Variants in CDC123 observed in about 807,000 individuals in gnomAD.
The protein encoded by CDC123 is cell division cycle 123, also known as translation initiation factor eIF2 assembly protein.
CDC123 carries 37 observed loss-of-function variants against 54.4 expected under a neutral mutation model. The observed-to-expected ratio is 0.68, with a 90% CI of 0.52 to 0.89. CDC123 has a LOEUF of 0.89. CDC123 is among the 40% of genes least tolerant of loss of function. CDC123 has a pLI of 0.00. For missense variants in CDC123, 361 were observed against 412.1 expected, an observed-to-expected ratio of 0.88 and a Z score of 1.07; for synonymous variants, 144 against 136.8, an observed-to-expected ratio of 1.05 and a Z score of -0.37.
At chr10:12,226,814 G>A (rs571169778) in intron 6 of CDC123, among the ~76,000 whole-genome samples, 13 of 151,956 alleles carry the variant, frequency 8.6e-5, no homozygotes, top group Middle Eastern at 6.8e-3. Flanking sequence ...CCAGACGATG[G>A]GCGGCCAGGC....
intron 6 of CDC123, among the ~76,000 whole-genome samples, chr10:12,229,851 C>T (rs989444143): frequency 5.9e-5 from 9 of 152,172 alleles, no homozygotes; most frequent in Non-Finnish European, 1.0e-4. Context: ...TAAAATGGCA[C>T]GTGGGAGAAG....
intron 6 of CDC123, among the ~76,000 whole-genome samples, chr10:12,229,068 TCTC>T (rs1439499232): frequency 6.6e-6 from 1 of 152,048 alleles, no homozygotes; most frequent in South Asian, 2.1e-4. Flanking sequence ...CCTCTACGCT[TCTC>T]CTTTCTGTGT....
At chr10:12,243,781 C>T (rs1366298880) in intron 10 of CDC123, among the ~76,000 whole-genome samples, 2 of 141,364 alleles carry the variant, frequency 1.4e-5, no homozygotes, top group Non-Finnish European at 3.0e-5. Context: ...GAGACTCCAT[C>T]TCAAAAAAAA....
chr10:12,217,410 G>A lies in CDC123; in HGVS notation c.383G>A (p.Ser128Asn). 1.2e-6 allele frequency: 2 copies of A among 1,614,032 alleles called. No individual in the cohort carries two copies. The highest frequency in any genetic ancestry group is 1.7e-6 in the Non-Finnish European group (2 of 1,179,974). ...MNSSLKCKTL[S>N]DIFLLFKSSD... ...AGTTCTCTGAAATGTAAAACCCTCA[G>A]CGACATCTTTCTGCTTTTCAAGAGT... The change falls in exon 6 of 13, where the codon AGC becomes AAC. Residue 128 changes from serine (S) to asparagine (N), a missense_variant. Ser to Asn is a conservative substitution (Grantham distance 46). Coordinates refer to ENST00000281141, the MANE Select transcript of CDC123 (RefSeq NM_006023.3).
chr10:12,221,201 G>C (rs1835731920), intron 6 of CDC123, among the ~76,000 whole-genome samples: 1 of 151,950 alleles, frequency 6.6e-6, no homozygotes, highest in Non-Finnish European at 1.5e-5. Context: ...CTTACACATG[G>C]GATTTAAAAA....
chr10:12,227,833 G>A (rs1835847608), intron 6 of CDC123, among the ~76,000 whole-genome samples: 1 of 152,068 alleles, frequency 6.6e-6, no homozygotes, highest in Non-Finnish European at 1.5e-5. Context: ...AACGTATAGA[G>A]GAAAGCTCTA....
At chr10:12,249,412 C>T (rs1045760910) in intron 11 of CDC123, among the ~76,000 whole-genome samples, 169 bp from the exon 12 acceptor site, 7 of 152,192 alleles carry the variant, frequency 4.6e-5, no homozygotes, top group African/African-American at 1.7e-4. Flanking sequence ...GAATTACAGA[C>T]GTGAGCCACC....
At chr10:12,206,016 A>G (rs533219524) in intron 2 of CDC123, among the ~76,000 whole-genome samples, 2 of 152,194 alleles carry the variant, frequency 1.3e-5, no homozygotes, top group African/African-American at 4.8e-5. Context: ...TGGCCAGGCT[A>G]GTCTTGAACT....
intron 2 of CDC123, among the ~76,000 whole-genome samples, chr10:12,200,319 G>A (rs1163850871): frequency 6.6e-6 from 1 of 150,882 alleles, no homozygotes; most frequent in Non-Finnish European, 1.5e-5. Flanking sequence ...TAGGGATGGG[G>A]TTTCACCATG....
intron 11 of CDC123, 25 bp downstream of exon 11, chr10:12,246,302 A>C: frequency 6.2e-7 from 1 of 1,612,936 alleles, no homozygotes. Context: ...AGACAGATAC[A>C]ATGTAAACCT....
chr10:12,206,208 A>G (rs965770052), intron 2 of CDC123, among the ~76,000 whole-genome samples: 5 of 152,252 alleles, frequency 3.3e-5, no homozygotes, highest in African/African-American at 4.8e-5. Flanking sequence ...TACCTTGATA[A>G]CAAGTATGTT....
chr10:12,231,617 C>A (rs1437343292), intron 7 of CDC123, among the ~76,000 whole-genome samples: 2 of 127,652 alleles, frequency 1.6e-5, no homozygotes, highest in East Asian at 2.4e-4. Context: ...AAAAGTGAAA[C>A]TCCGTCTCAA....
At chr10:12,200,443 C>T (rs1054583131) in intron 2 of CDC123, among the ~76,000 whole-genome samples, 1 of 151,700 alleles carries the variant, frequency 6.6e-6, no homozygotes. Flanking sequence ...TTCTCAAATA[C>T]GTGTACCTAT....
chr10:12,243,381 A>G (rs1878797), intron 10 of CDC123, among the ~76,000 whole-genome samples: 1,633 of 128,590 alleles, frequency 0.013, 42 homozygotes, highest in East Asian at 0.1. Context: ...CTGGGCAACA[A>G]GAGTGAAAAA....
At chr10:12,243,737 T>G (rs1043530808) in intron 10 of CDC123, among the ~76,000 whole-genome samples, 2 of 148,962 alleles carry the variant, frequency 1.3e-5, no homozygotes, top group Admixed American at 6.7e-5. Context: ...TGAGCAGAGA[T>G]CGCACCACTG....
chr10:12,211,784 T>C (rs769990900), intron 4 of CDC123, among the ~76,000 whole-genome samples: 23 of 152,286 alleles, frequency 1.5e-4, no homozygotes, highest in Middle Eastern at 3.4e-3. Flanking sequence ...TTAATAGTGG[T>C]GGGGAGTATC....
intron 10 of CDC123, among the ~76,000 whole-genome samples, chr10:12,242,231 T>G (rs1836068440): frequency 1.3e-5 from 2 of 152,118 alleles, no homozygotes; most frequent in African/African-American, 4.8e-5. Context: ...AACACCACCC[T>G]CCTCCCAGGG....
At position 12,210,319 on chromosome 10, in the gene CDC123, T is replaced by C; in HGVS notation, c.234T>C (p.Leu78=). The C allele has an allele frequency of 6.2e-7, 1 of 1,614,142 alleles. No homozygotes were observed. The highest frequency in any genetic ancestry group is 8.5e-7 in the Non-Finnish European group (1 of 1,180,018). The change falls in exon 4 of 13, where the codon CTT becomes CTC. Residue 78 remains leucine (L), a synonymous_variant. Transcript: ENST00000281141. ...CTGATGATGAGAACACAGCCACGCTTACGGTAAGAGCACAGCAGACTCAGC... is the reference window on the plus strand; with the variant it reads ...CTGATGATGAGAACACAGCCACGCTCACGGTAAGAGCACAGCAGACTCAGC... The part of the protein sequence containing the change: ...QWSDDENTAT[L]TAPEFPEFAT...
At chr10:12,200,143 T>TTTTA (rs1350723293) in intron 2 of CDC123, among the ~76,000 whole-genome samples, 1 of 136,786 alleles carries the variant, frequency 7.3e-6, no homozygotes, top group African/African-American at 2.9e-5. Flanking sequence ...TTTTTTTTTT[T>TTTTA]AAAGATGGAG....
Sources: allele counts gnomAD v4.1 joint callset (sites outside exome capture counted in the v4.1 genomes callset), GRCh38; gene constraint gnomAD v4.1.1; transcripts MANE v1.5; gene names NCBI Gene and HGNC (gene_info 2026-07-23, HGNC 2026-07-21).